Variants in CACNG7 observed in about 807,000 individuals in gnomAD.
CACNG7 encodes the protein calcium voltage-gated channel auxiliary subunit gamma 7, also known as voltage-dependent calcium channel gamma-7 subunit.
In CACNG7, 9 loss-of-function variants were observed where a neutral mutation model predicts 26.3. The observed-to-expected ratio is 0.34, with a 90% confidence interval of 0.21 to 0.60. The LOEUF is 0.60. Among genes scored for constraint, CACNG7 ranks in the 20% least tolerant of loss-of-function variants. The pLI, the probability that CACNG7 is intolerant of heterozygous loss-of-function variation, is 0.81. For missense variants in CACNG7, 297 were observed against 380.4 expected (o/e 0.78, Z 1.82); for synonymous variants, 170 against 157.0 (o/e 1.08, Z -0.62).
intron 1 of CACNG7, among the ~76,000 whole-genome samples, chr19:53,910,808 G>A (rs1330347604): frequency 6.6e-6 from 1 of 152,170 alleles, no homozygotes; most frequent in African/African-American, 2.4e-5. Flanking sequence ...CCTGTTTGGA[G>A]TCTAATGTTA....
Position 53,921,453 on chromosome 19 carries a change from T to TCTGGTATTGCTGGAGTTGTCCCCAGGC in CACNG7, c.424+5954_424+5980dup, listed in dbSNP as rs1568774373. ...TGGTCATTGGTGGAGTTGCCCCAGGTCTGGTATTGCTGGAGTTGTCCCCAG... is the reference window on the plus strand; with the variant it reads ...TGGTCATTGGTGGAGTTGCCCCAGGTCTGGTATTGCTGGAGTTGTCCCCAGGCCTGGTATTGCTGGAGTTGTCCCCAG... On this transcript the variant is annotated intron_variant, in intron 4 of 5. Transcript: ENST00000391767. Among the ~76,000 whole-genome samples, 3 of 140,434 alleles carry TCTGGTATTGCTGGAGTTGTCCCCAGGC rather than the reference T, an allele frequency of 2.1e-5. No homozygotes were observed. The East Asian group carries it at 6.5e-4, about 30-fold the overall frequency. 92.1% of individuals were successfully genotyped at this position (140,434 alleles called of 152,430 possible).
intron 4 of CACNG7, among the ~76,000 whole-genome samples, chr19:53,929,137 A>G (rs1007822852): frequency 7.0e-4 from 104 of 148,538 alleles, no homozygotes; most frequent in African/African-American, 2.1e-3. Flanking sequence ...AAAAAAAAAA[A>G]AGAGAGAATA....
In CACNG7 at chr19:53,920,858, C is replaced by T. The variant is rs866636041; in HGVS notation, c.424+5353C>T. 3.2e-4 allele frequency among the ~76,000 whole-genome samples: 30 copies of T among 94,526 alleles called. 2 individuals are homozygous for T. Among genetic ancestry groups the T allele is most frequent in the Non-Finnish European group, 3.8e-4 (19 of 49,702 alleles). The allele number at this position is 94,526 out of a possible 152,430, so 62.0% of individuals were successfully genotyped here. A position where few individuals can be genotyped will look rare whatever the true frequency, so the allele number is the denominator to read the frequency against. On this transcript the variant is annotated intron_variant, in intron 4 of 5. Coordinates refer to ENST00000391767, the MANE Select transcript of CACNG7 (RefSeq NM_031896.5). ...CCCAGGCCTGGTATTGGTGGAGTTG[C>T]CCCAGGTCTGGTCATTGGTGGAGTT...
intron 1 of CACNG7, among the ~76,000 whole-genome samples, chr19:53,910,278 A>G (rs1360308429): frequency 6.7e-6 from 1 of 148,758 alleles, no homozygotes; most frequent in Non-Finnish European, 1.5e-5. Context: ...TCGCGGTCAA[A>G]CCCCTGAGCC....
chr19:53,927,706 C>T (rs2069041362), intron 4 of CACNG7, among the ~76,000 whole-genome samples: 1 of 151,972 alleles, frequency 6.6e-6, no homozygotes, highest in African/African-American at 2.4e-5. Context: ...GGCCTGGTGG[C>T]AGGCGCCTGT....
chr19:53,932,606 G>T (rs1469648941), intron 4 of CACNG7, among the ~76,000 whole-genome samples: 1 of 152,052 alleles, frequency 6.6e-6, no homozygotes, highest in Non-Finnish European at 1.5e-5. Context: ...CCTCTTTCTA[G>T]TTCATTTGTT....
intron 4 of CACNG7, among the ~76,000 whole-genome samples, chr19:53,923,502 G>GCTGGTCATTGGTGGAGTTGCCCCAGGT (rs1555810856): frequency 7.5e-4 from 57 of 75,836 alleles, no homozygotes; most frequent in Non-Finnish European, 1.0e-3. Flanking sequence ...GTTGTCCCAG[G>GCTGGTCATTGGTGGAGTTGCCCCAGGT]CTGGTCATTG....
At position 53,912,448 on chromosome 19, in the gene CACNG7, C is replaced by T. The variant is rs1378819785; in HGVS notation, c.-29-355C>T. On this transcript the variant is annotated intron_variant, in intron 1 of 5. Coordinates refer to ENST00000391767, the MANE Select transcript of CACNG7 (RefSeq NM_031896.5). This position sits in a 1 kb window ranked among gnomAD's most constrained non-coding sequence, Gnocchi z 4.6. ...AGAAGCTCAAATTAGAATTTCTGCT[C>T]GGAGTCACAGTATTTGGGACCCAGG... Among the ~76,000 whole-genome samples, 7 of 152,252 alleles carry T rather than the reference C, an allele frequency of 4.6e-5. No homozygotes were observed. The highest frequency in any genetic ancestry group is 3.4e-3 in the Middle Eastern group (1 of 294).
At chr19:53,924,797 G>T (rs2069010159) in intron 4 of CACNG7, among the ~76,000 whole-genome samples, 1 of 143,368 alleles carries the variant, frequency 7.0e-6, no homozygotes, top group South Asian at 2.3e-4. Flanking sequence ...CCTAGTGCTG[G>T]TCATTGGTGG....
intron 4 of CACNG7, among the ~76,000 whole-genome samples, chr19:53,921,795 TC>T (rs764460443): frequency 5.9e-5 from 4 of 68,154 alleles, no homozygotes; most frequent in East Asian, 7.3e-4. Flanking sequence ...GGTGGAGTTG[TC>T]CCCAGGTCTG....
At chr19:53,923,018 C>T (rs147728228) in intron 4 of CACNG7, among the ~76,000 whole-genome samples, 20 of 52,112 alleles carry the variant, frequency 3.8e-4, no homozygotes, top group African/African-American at 2.0e-3. Flanking sequence ...TTGCCCCAGG[C>T]CTGGTCATTG....
At chr19:53,919,719 C>G (rs2068924681) in intron 4 of CACNG7, among the ~76,000 whole-genome samples, 1 of 132,846 alleles carries the variant, frequency 7.5e-6, no homozygotes, top group Admixed American at 7.8e-5. Context: ...GGAGTTGCCC[C>G]AGGCTGGTCA....
intron 4 of CACNG7, among the ~76,000 whole-genome samples, chr19:53,920,618 G>T (rs1599974341): frequency 2.9e-5 from 2 of 68,148 alleles, no homozygotes; most frequent in East Asian, 4.3e-4. Context: ...TGGTGGAGTT[G>T]CCCCAGGTCT....
At chr19:53,919,842 G>C (rs1432812040) in intron 4 of CACNG7, among the ~76,000 whole-genome samples, 13 of 132,982 alleles carry the variant, frequency 9.8e-5, no homozygotes, top group South Asian at 2.5e-4. Flanking sequence ...CATTGGTGGA[G>C]TTGCCCCAGG....
intron 1 of CACNG7, among the ~76,000 whole-genome samples, chr19:53,911,708 G>C (rs1460935232): frequency 1.3e-5 from 2 of 152,236 alleles, no homozygotes; most frequent in Admixed American, 6.5e-5. Flanking sequence ...CGAACCCACA[G>C]GGCTGCGAGA....
intron 4 of CACNG7, 137 bp downstream of exon 4, chr19:53,915,642 A>T (rs566969879): frequency 3.0e-6 from 3 of 985,474 alleles, no homozygotes; most frequent in African/African-American, 1.6e-5. Context: ...CTTTCCTTCT[A>T]TGTGCAATGG....
chr19:53,924,350 A>G (rs2069002222), intron 4 of CACNG7, among the ~76,000 whole-genome samples: 1 of 125,512 alleles, frequency 8.0e-6, no homozygotes, highest in Non-Finnish European at 1.6e-5. Flanking sequence ...AGGTCTGGTC[A>G]TTGGTGGAGT....
At chr19:53,920,688 T>G (rs1354222423) in intron 4 of CACNG7, among the ~76,000 whole-genome samples, 1 of 113,582 alleles carries the variant, frequency 8.8e-6, no homozygotes, top group Non-Finnish European at 1.7e-5. Context: ...GTCTGGTCAT[T>G]GGTGGACTTG....
chr19:53,932,327 C>T (rs1301733464), intron 4 of CACNG7, among the ~76,000 whole-genome samples: 2 of 151,246 alleles, frequency 1.3e-5, no homozygotes, highest in Non-Finnish European at 2.9e-5. Context: ...ATTCATGGAT[C>T]CTGCACTCAG....
Sources: allele counts gnomAD v4.1 joint callset (sites outside exome capture counted in the v4.1 genomes callset), GRCh38; gene constraint gnomAD v4.1.1; non-coding constraint Gnocchi (gnomAD v3.1); transcripts MANE v1.5; gene names NCBI Gene and HGNC (gene_info 2026-07-23, HGNC 2026-07-21).